ANKH: variants seen among roughly 807,000 people sequenced by gnomAD.
ANKH encodes mineralization regulator ANKH.
A neutral mutation model predicts 49.0 loss-of-function variants in ANKH; 15 were observed. The observed-to-expected ratio is 0.31, with a 90% CI of 0.20 to 0.47. ANKH has a LOEUF of 0.47. Ranked by LOEUF, ANKH falls within the 20% of genes least tolerant of loss-of-function variation. ANKH has a pLI of 1.00. For synonymous variants in ANKH, 273 were observed against 260.0 expected (o/e 1.05, Z -0.48); for missense variants, 429 against 652.0 (o/e 0.66, Z 3.72).
At chr5:14,777,905 T>C (rs968358409) in intron 1 of ANKH, among the ~76,000 whole-genome samples, 1 of 152,196 alleles carries the variant, frequency 6.6e-6, no homozygotes. Flanking sequence ...CCTAGTCTGA[T>C]TCCTCTGGGC....
At chr5:14,836,967 C>T (rs1741673977) in intron 1 of ANKH, among the ~76,000 whole-genome samples, 1 of 152,146 alleles carries the variant, frequency 6.6e-6, no homozygotes, top group African/African-American at 2.4e-5. Flanking sequence ...TAATACCACA[C>T]ATCTACAACC....
At chr5:14,825,455 A>G (rs2126591616) in intron 1 of ANKH, among the ~76,000 whole-genome samples, 1 of 152,270 alleles carries the variant, frequency 6.6e-6, no homozygotes, top group African/African-American at 2.4e-5. Flanking sequence ...GGGCTCAAGC[A>G]ATCCTCCCAT....
At chr5:14,825,060 T>C (rs186224066) in intron 1 of ANKH, among the ~76,000 whole-genome samples, 62 of 152,226 alleles carry the variant, frequency 4.1e-4, no homozygotes, top group Admixed American at 3.6e-3. Context: ...AAAAAACAAA[T>C]ATTGAAAAAT....
chr5:14,863,913 C>T (rs1320377195), intron 1 of ANKH, among the ~76,000 whole-genome samples: 1 of 152,152 alleles, frequency 6.6e-6, no homozygotes, highest in Non-Finnish European at 1.5e-5. Flanking sequence ...TCACACTGTA[C>T]CCTTTAAAAA....
rs1414822672 is a variant in ANKH, at chr5:14,770,322, C to T, written c.97-1131G>A. Reference sequence around the variant, plus strand: ...TCTACACGGACACATCATTATTACTCAAAGACCAGACAGTAGTCCCCCCTT... The same window carrying T: ...TCTACACGGACACATCATTATTACTTAAAGACCAGACAGTAGTCCCCCCTT... On this transcript the variant is annotated intron_variant, in intron 1 of 11. Transcript: ENST00000284268. The surrounding 1 kb of genome is among the most constrained non-coding windows in gnomAD (Gnocchi z 4.1). Among the ~76,000 whole-genome samples, 1 of 152,152 alleles carries T rather than the reference C, an allele frequency of 6.6e-6. No individual in the cohort carries two copies. Among genetic ancestry groups the T allele is most frequent in the South Asian group, 2.1e-4 (1 of 4,826 alleles).
intron 3 of ANKH, among the ~76,000 whole-genome samples, chr5:14,757,082 A>T (rs1427385355): frequency 6.6e-6 from 1 of 152,128 alleles, no homozygotes; most frequent in Admixed American, 6.5e-5. Context: ...TAATTCTTCT[A>T]TGTGTGTAGA....
chr5:14,773,599 C>T (rs898431073), intron 1 of ANKH, among the ~76,000 whole-genome samples: 1 of 152,112 alleles, frequency 6.6e-6, no homozygotes. Context: ...GCCATGCAGA[C>T]TTGAGTTGGA....
In ANKH at chr5:14,711,239, C is replaced by A; in HGVS notation, c.1437G>T (p.Glu479Asp). ...DSAMTDMPPT[E>D]EVTDIVEMRE... ...TCATTTCCACGATGTCTGTCACCTCCTCTGTCGGAGGCATGTCTGTCATGG... is the reference window on the plus strand; with the variant it reads ...TCATTTCCACGATGTCTGTCACCTCATCTGTCGGAGGCATGTCTGTCATGG... Residue 479 changes from glutamate (E) to aspartate (D), a missense_variant, in exon 12 of 12, where the codon GAG becomes GAT. By Grantham distance (45) the Glu-to-Asp change is conservative. Coordinates refer to ENST00000284268, the MANE Select transcript of ANKH (RefSeq NM_054027.6). 2 of 1,614,136 alleles carry A rather than the reference C, an allele frequency of 1.2e-6. No homozygotes were observed. Among genetic ancestry groups the A allele is most frequent in the African/African-American group, 1.3e-5 (1 of 75,038 alleles).
chr5:14,812,017 A>C (rs553430976), intron 1 of ANKH, among the ~76,000 whole-genome samples: 1 of 151,884 alleles, frequency 6.6e-6, no homozygotes, highest in Admixed American at 6.6e-5. Flanking sequence ...TGGTACTATC[A>C]TAGTCCATTC....
intron 4 of ANKH, 137 bp downstream of exon 4, chr5:14,755,724 A>T: frequency 1.3e-6 from 1 of 748,176 alleles, no homozygotes; most frequent in Non-Finnish European, 2.4e-6. Flanking sequence ...TGAGGTCTCT[A>T]TGTGATGTAA....
At chr5:14,871,177 G>C in intron 1 of ANKH, 175 bp downstream of exon 1, 2 of 684,434 alleles carry the variant, frequency 2.9e-6, no homozygotes, top group Non-Finnish European at 5.3e-6. Context: ...AATAATTGAG[G>C]GGAGGGAGGG....
chr5:14,829,438 G>C (rs1741443039), intron 1 of ANKH, among the ~76,000 whole-genome samples: 1 of 152,148 alleles, frequency 6.6e-6, no homozygotes, highest in South Asian at 2.1e-4. Flanking sequence ...TTAAGATTCA[G>C]CTTCTACTGA....
Position 14,707,917 on chromosome 5 carries a change from G to T in ANKH, c.*3280C>A, listed in dbSNP as rs535001418. On this transcript the variant is annotated 3_prime_UTR_variant, in exon 12 of 12. Transcript: ENST00000284268. ...ATGCAGGCAGTCATGGGGGATGACT[G>T]TTTTTTACCCAGAAATGCAAACAAG... 14 of 152,264 alleles carry T rather than the reference G, an allele frequency of 9.2e-5. No individual in the cohort carries two copies. The highest frequency in any genetic ancestry group is 2.9e-4 in the African/African-American group (12 of 41,552). 9.4% of individuals were successfully genotyped at this position (152,264 alleles called of 1,614,324 possible).
At chr5:14,742,122 G>A (rs865859455) in intron 7 of ANKH, among the ~76,000 whole-genome samples, 200 bp from the exon 8 acceptor site, 4 of 152,194 alleles carry the variant, frequency 2.6e-5, no homozygotes, top group African/African-American at 4.8e-5. Flanking sequence ...ATTAACCTGA[G>A]TGAATTCTCG....
chr5:14,807,113 CTTTTTTT>C (rs35180875), intron 1 of ANKH, among the ~76,000 whole-genome samples: 1 of 127,720 alleles, frequency 7.8e-6, no homozygotes, highest in Non-Finnish European at 1.7e-5. Context: ...CATGATATTT[CTTTTTTT>C]TTTTTTTTTT....
chr5:14,815,569 C>T (rs1157238270), intron 1 of ANKH, among the ~76,000 whole-genome samples: 1 of 152,228 alleles, frequency 6.6e-6, no homozygotes, highest in East Asian at 1.9e-4. Flanking sequence ...GGTTTCTACA[C>T]TTCCCCAGTG....
chr5:14,728,498 G>A (rs1170872106), intron 8 of ANKH, among the ~76,000 whole-genome samples: 1 of 152,190 alleles, frequency 6.6e-6, no homozygotes, highest in African/African-American at 2.4e-5. Context: ...CAGTGGAGCC[G>A]GGAACAATGG....
intron 1 of ANKH, chr5:14,826,101 G>A (rs902204453): frequency 6.5e-6 from 1 of 154,000 alleles, no homozygotes; most frequent in Non-Finnish European, 1.5e-5. Flanking sequence ...ATGTATGCAT[G>A]GTTAACCTAA....
chr5:14,758,509 G>A lies in ANKH; in HGVS notation c.403C>T (p.Leu135Phe), dbSNP rs1458431408. 1 of 1,614,132 alleles carries A rather than the reference G, an allele frequency of 6.2e-7. No individual in the cohort carries two copies. Among genetic ancestry groups the A allele is most frequent in the Non-Finnish European group, 8.5e-7 (1 of 1,179,984 alleles). Reference sequence around the variant, plus strand: ...GCGTCCATGAAAGGAAAGGCGGCGAGGTACAGGAAGGCCCTTCTCGTCTTG... The same window carrying A: ...GCGTCCATGAAAGGAAAGGCGGCGAAGTACAGGAAGGCCCTTCTCGTCTTG... ...GSKTRRAFLYLAAFPFMDAMA... is the reference protein window; with the variant it reads ...GSKTRRAFLYFAAFPFMDAMA... The change falls in exon 3 of 12, where the codon CTC becomes TTC. Residue 135 changes from leucine to phenylalanine, a missense_variant. By Grantham distance (22) the Leu-to-Phe change is conservative (BLOSUM62 0). Coordinates refer to ENST00000284268, the MANE Select transcript of ANKH (RefSeq NM_054027.6).
Sources: gnomAD v4.1 joint callset for allele counts (sites outside exome capture counted in the v4.1 genomes callset) on GRCh38, gnomAD v4.1.1 for gene constraint, Gnocchi (gnomAD v3.1) non-coding constraint, MANE v1.5 for transcripts, NCBI Gene and HGNC (gene_info 2026-07-23, HGNC 2026-07-21) for gene names.